The following GALNT14 variants were observed in gnomAD, a reference collection of about 807,000 sequenced individuals.
The protein encoded by GALNT14 is UDP-GalNAc:polypeptide N-acetylgalactosaminyltransferase 14.
In GALNT14, 60 loss-of-function variants were observed where a neutral mutation model predicts 77.5. The observed-to-expected ratio is 0.77, with a 90% CI of 0.63 to 0.96. The LOEUF is 0.96. Ranked by LOEUF, GALNT14 falls within the 40% of genes least tolerant of loss-of-function variation. The pLI is 0.00. For missense variants in GALNT14, 710 were observed against 731.0 expected (o/e 0.97, Z 0.33); for synonymous variants, 280 against 281.7 (o/e 0.99, Z 0.06).
At chr2:31,035,597 AT>A in intron 1 of GALNT14, among the ~76,000 whole-genome samples, 1 of 110,384 alleles carries the variant, frequency 9.1e-6, no homozygotes, top group African/African-American at 4.2e-5. Flanking sequence ...ATACATATAC[AT>A]ATACACACAC....
rs147904731 is a variant in GALNT14, at chr2:30,967,762, A to G, written c.300-1460T>C. Among the ~76,000 whole-genome samples the G allele has an allele frequency of 2.6e-3, 391 of 152,264 alleles. 4 individuals carry two copies. The highest frequency in any genetic ancestry group is 9.2e-3 in the African/African-American group (383 of 41,540). On this transcript the variant is annotated intron_variant, in intron 2 of 14. Transcript: ENST00000349752. The stretch of plus-strand genomic sequence containing the variant: ...TCTGCCTTCAGTCTCTGCCCCTGCC[A>G]GTCATGTCCTGTCCACCACATAGCT...
chr2:31,129,663 T>C (rs1368847207), intron 1 of GALNT14: 6 of 985,222 alleles, frequency 6.1e-6, no homozygotes, highest in Admixed American at 6.2e-5. Flanking sequence ...GCCTGCATGT[T>C]GCAGCTGCGA....
chr2:31,136,975 C>CAAA (rs987427725), intron 1 of GALNT14, among the ~76,000 whole-genome samples: 2 of 152,130 alleles, frequency 1.3e-5, no homozygotes, highest in Admixed American at 1.3e-4. Flanking sequence ...TCCTCCAAGG[C>CAAA]TTTTGCCCAG....
chr2:30,917,323 G>A (rs1380245130), intron 13 of GALNT14, among the ~76,000 whole-genome samples: 2 of 152,134 alleles, frequency 1.3e-5, no homozygotes, highest in Non-Finnish European at 2.9e-5. Flanking sequence ...CATGGATGCT[G>A]CTAAACATCC....
At chr2:30,891,465 G>A in the GALNT14 span, among the ~76,000 whole-genome samples, 2 of 151,988 alleles carry the variant, frequency 1.3e-5, no homozygotes, top group Non-Finnish European at 2.9e-5. Context: ...ACAAACACTT[G>A]GTAAAGAAAA....
intron 2 of GALNT14, among the ~76,000 whole-genome samples, chr2:30,992,185 A>T (rs1003425160): frequency 4.6e-5 from 7 of 152,168 alleles, no homozygotes; most frequent in African/African-American, 1.7e-4. Flanking sequence ...GTCGGTCGTG[A>T]GGCAGAAAGT....
At chr2:31,067,971 C>T (rs1289964412) in intron 1 of GALNT14, among the ~76,000 whole-genome samples, 4 of 152,104 alleles carry the variant, frequency 2.6e-5, no homozygotes, top group Non-Finnish European at 4.4e-5. Context: ...GCTCTTCCTT[C>T]GTGTGGGCCT....
At position 30,993,002 on chromosome 2, in the gene GALNT14, C is replaced by T. The variant is rs577547521; in HGVS notation, c.135G>A (p.Ser45=). The T allele has an allele frequency of 2.0e-5, 32 of 1,613,810 alleles. No individual in the cohort carries two copies. The highest frequency in any genetic ancestry group is 2.7e-5 in the African/African-American group (2 of 74,918). ...CCCACAGGTCGTCCCAGTCAGCGTCCGAAGGCTGCGTGACACGAATGGGAA... is the reference window on the plus strand; with the variant it reads ...CCCACAGGTCGTCCCAGTCAGCGTCTGAAGGCTGCGTGACACGAATGGGAA... ...TGPEVQTPKP[S]DADWDDLWDQ... Residue 45 remains serine (S), a synonymous_variant, in exon 2 of 15, where the codon TCG becomes TCA. Coordinates refer to ENST00000349752, the MANE Select transcript of GALNT14 (RefSeq NM_024572.4).
chr2:31,077,251 T>C (rs1363442286), intron 1 of GALNT14, among the ~76,000 whole-genome samples: 1 of 151,776 alleles, frequency 6.6e-6, no homozygotes, highest in East Asian at 1.9e-4. Flanking sequence ...TGAAGGAGAG[T>C]CCTATTTTAA....
Position 31,057,393 on chromosome 2 carries a change from T to TAC in GALNT14, c.130-64388_130-64387dup, listed in dbSNP as rs1399111740. Among the ~76,000 whole-genome samples the TAC allele has an allele frequency of 6.7e-4, 93 of 138,334 alleles. 1 individual carries two copies. Among genetic ancestry groups the TAC allele is most frequent in the Admixed American group, 3.1e-3 (42 of 13,608 alleles). 90.8% of individuals were successfully genotyped at this position (138,334 alleles called of 152,430 possible). On this transcript the variant is annotated intron_variant, in intron 1 of 14. Coordinates refer to ENST00000349752, the MANE Select transcript of GALNT14 (RefSeq NM_024572.4). ...GTGTGTGTATATATATATATATATATACACAGCTGTTGCAGGTATATATAT... is the reference window on the plus strand; with the variant it reads ...GTGTGTGTATATATATATATATATATACACACAGCTGTTGCAGGTATATATAT...
rs148982736 is a variant in GALNT14 at position 31,007,222 on chromosome 2, G to A, written c.130-14215C>T. On this transcript the variant is annotated intron_variant, in intron 1 of 14. Transcript: ENST00000349752. ...GGGCGGGTTTAGTGCTACAGGCGAC[G>A]TGGCAAGTGAACATGGCAGTGGGCT... 3.1e-3 allele frequency among the ~76,000 whole-genome samples: 471 copies of A among 152,290 alleles called. 4 individuals are homozygous for A. The highest frequency in any genetic ancestry group is 0.011 in the African/African-American group (456 of 41,556).
intron 9 of GALNT14, 100 bp from the exon 10 acceptor site, chr2:30,932,294 A>C: frequency 8.6e-7 from 1 of 1,168,590 alleles, no homozygotes; most frequent in Non-Finnish European, 1.1e-6. Context: ...CAGAGGCGAA[A>C]GAACAGACTC....
chr2:31,005,303 G>C (rs1002851707), intron 1 of GALNT14, among the ~76,000 whole-genome samples: 2 of 152,108 alleles, frequency 1.3e-5, no homozygotes, highest in Admixed American at 1.3e-4. Context: ...GGGCTAAAAA[G>C]GGAAGCGCAG....
intron 1 of GALNT14, among the ~76,000 whole-genome samples, chr2:31,036,042 C>T (rs562289897): frequency 1.3e-5 from 2 of 152,206 alleles, no homozygotes; most frequent in South Asian, 2.1e-4. Context: ...AAGTGTGTGT[C>T]TTATAGAGAG....
At chr2:31,016,924 G>A (rs766403965) in intron 1 of GALNT14, among the ~76,000 whole-genome samples, 3 of 152,186 alleles carry the variant, frequency 2.0e-5, no homozygotes, top group Non-Finnish European at 4.4e-5. Flanking sequence ...GGATCACGAG[G>A]TGTTAGCTAT....
In GALNT14 at chr2:31,138,079, C is replaced by A. The variant is rs750563603; in HGVS notation, c.8G>T (p.Arg3Leu). The change falls in exon 1 of 15, where the codon CGC becomes CTC. Residue 3 changes from arginine to leucine, a missense_variant. Physicochemically the swap from Arg to Leu is moderately radical, Grantham distance 102. Coordinates refer to ENST00000349752, the MANE Select transcript of GALNT14 (RefSeq NM_024572.4). ...TGGCAGAACCAGCCGACGAGTCAGG[C>A]GCCGCATGGTCCCCTTTGCCGCTTC... is the stretch of plus-strand genomic sequence containing the variant. Reference protein sequence around the residue: MRRLTRRLVLPVF... With the variant: MRLLTRRLVLPVF... 84 of 1,613,608 alleles carry A rather than the reference C, an allele frequency of 5.2e-5. No individual in the cohort carries two copies. Among genetic ancestry groups the A allele is most frequent in the Admixed American group, 2.2e-4 (13 of 60,002 alleles).
chr2:30,964,134 A>C (rs1348391859), intron 3 of GALNT14, among the ~76,000 whole-genome samples: 3 of 152,208 alleles, frequency 2.0e-5, no homozygotes, highest in African/African-American at 7.2e-5. Flanking sequence ...CAGGATGGGC[A>C]GGGAGAGGCC....
At chr2:30,986,448 A>G (rs1245204386) in intron 2 of GALNT14, among the ~76,000 whole-genome samples, 1 of 152,142 alleles carries the variant, frequency 6.6e-6, no homozygotes, top group African/African-American at 2.4e-5. Flanking sequence ...TTTATGTACC[A>G]CTTGGATAAT....
intron 1 of GALNT14, among the ~76,000 whole-genome samples, chr2:31,016,622 C>G (rs1414839503): frequency 6.6e-6 from 1 of 152,092 alleles, no homozygotes; most frequent in Non-Finnish European, 1.5e-5. Flanking sequence ...GACCTGCCCC[C>G]CAGAACAAGA....
Sources: gnomAD v4.1 joint callset for allele counts (sites outside exome capture counted in the v4.1 genomes callset) on GRCh38, gnomAD v4.1.1 for gene constraint, MANE v1.5 for transcripts, NCBI Gene and HGNC (gene_info 2026-07-23, HGNC 2026-07-21) for gene names.